The following ZFP69 variants were observed in gnomAD, a reference collection of about 807,000 sequenced individuals.
The protein encoded by ZFP69 is zinc finger protein 69 homolog.
A neutral mutation model predicts 48.9 loss-of-function variants in ZFP69; 35 were observed. The observed-to-expected ratio is 0.72, with a 90% CI of 0.55 to 0.95. The LOEUF is 0.95. Among genes scored for constraint, ZFP69 ranks in the 40% least tolerant of loss-of-function variants. The pLI, the probability that ZFP69 is intolerant of heterozygous loss-of-function variation, is 0.00. For synonymous variants in ZFP69, 193 were observed against 216.8 expected (o/e 0.89, Z 0.96); for missense variants, 557 against 638.4 (o/e 0.87, Z 1.37).
At chr1:40,492,750 T>G (rs1306551556) in intron 5 of ZFP69, among the ~76,000 whole-genome samples, 1 of 152,218 alleles carries the variant, frequency 6.6e-6, no homozygotes, top group Non-Finnish European at 1.5e-5. Context: ...GATATAGCAC[T>G]CCATTTATTG....
At chr1:40,486,888 T>C (rs191862789) in intron 3 of ZFP69, among the ~76,000 whole-genome samples, 77 of 152,170 alleles carry the variant, frequency 5.1e-4, no homozygotes, top group Non-Finnish European at 1.8e-4. Flanking sequence ...TTTTTAGATA[T>C]TGTCTTTTTC....
chr1:40,491,761 G>GTATA (rs10630764), intron 5 of ZFP69, among the ~76,000 whole-genome samples: 1 of 146,046 alleles, frequency 6.8e-6, no homozygotes, highest in African/African-American at 2.6e-5. Flanking sequence ...ATGTGTGTGT[G>GTATA]TATGTGTGTG....
At position 40,494,255 on chromosome 1, in the gene ZFP69, AATTTTTTTTT is replaced by A. The variant is rs1312849312; in HGVS notation, c.443-665_443-656del. Among the ~76,000 whole-genome samples the A allele has an allele frequency of 9.5e-4, 118 of 123,874 alleles. 3 individuals are homozygous for A. Among genetic ancestry groups the A allele is most frequent in the Middle Eastern group, 9.3e-3 (2 of 216 alleles). The allele number at this position is 123,874 out of a possible 152,430, so 81.3% of individuals were successfully genotyped here. A position where few individuals can be genotyped will look rare whatever the true frequency, so the allele number is the denominator to read the frequency against. On this transcript the variant is annotated intron_variant, in intron 5 of 5. Coordinates refer to ENST00000372706, the MANE Select transcript of ZFP69 (RefSeq NM_001320179.2). ...ATTAGAGCAGGACTAAAAGATTCAA[AATTTTTTTTT>A]TTTTTTTTTTTTTTTTTTTTTGAGA...
At chr1:40,491,812 T>A (rs1024301108) in intron 5 of ZFP69, among the ~76,000 whole-genome samples, 2 of 151,690 alleles carry the variant, frequency 1.3e-5, no homozygotes, top group Admixed American at 6.6e-5. Context: ...CATTCTAGTA[T>A]AATTATACAT....
At position 40,480,267 on chromosome 1, in the gene ZFP69, A is replaced by AT. The variant is rs61577884; in HGVS notation, c.127+794dup. On this transcript the variant is annotated intron_variant, in intron 2 of 5. Transcript: ENST00000372706. ...GACGGAAAACTTTGTTCTGGTTGTG[A>AT]TTTTTTTTTTTTTTTGGTGATGGAG... Among the ~76,000 whole-genome samples, 563 of 142,640 alleles carry AT rather than the reference A, an allele frequency of 3.9e-3. 1 individual carries two copies. The highest frequency in any genetic ancestry group is 0.016 in the East Asian group (79 of 4,918). The allele number at this position is 142,640 out of a possible 152,430, so 93.6% of individuals were successfully genotyped here.
At chr1:40,494,891 G>GT in intron 5 of ZFP69, 30 bp from the exon 6 acceptor site, 1 of 1,580,858 alleles carries the variant, frequency 6.3e-7, no homozygotes, top group South Asian at 1.2e-5. Context: ...ACAGTAATTG[G>GT]TTTTTAAAGC....
chr1:40,494,611 ATATTT>A (rs1051594711), intron 5 of ZFP69, among the ~76,000 whole-genome samples: 1 of 139,932 alleles, frequency 7.1e-6, no homozygotes, highest in Non-Finnish European at 1.5e-5. Flanking sequence ...ATATTTATAA[ATATTT>A]TATATATAAA....
chr1:40,484,470 A>G (rs1276467370), intron 3 of ZFP69, among the ~76,000 whole-genome samples: 2 of 152,222 alleles, frequency 1.3e-5, no homozygotes, highest in East Asian at 3.9e-4. Flanking sequence ...AAGTGCTGGG[A>G]TTACAGGTGT....
In ZFP69 at chr1:40,495,894, T is replaced by C. The variant is rs1489181008; in HGVS notation, c.1416T>C (p.Cys472=). ...TGVKAYECNR[C]GKAYRHDSSF... ...TGAAAGCATATGAATGCAACCGCTG[T>C]GGAAAAGCCTATAGGCATGATTCAT... Residue 472 remains cysteine (C), a synonymous_variant, in exon 6 of 6, where the codon TGT becomes TGC. Transcript: ENST00000372706. The C allele has an allele frequency of 6.2e-7, 1 of 1,614,188 alleles. No individual in the cohort carries two copies. Among genetic ancestry groups the C allele is most frequent in the Admixed American group, 1.7e-5 (1 of 60,032 alleles).
rs1447372026 is a variant in ZFP69 at position 40,489,574 on chromosome 1, G to A, written c.392G>A (p.Gly131Glu). 7 of 1,613,656 alleles carry A rather than the reference G, an allele frequency of 4.3e-6. No individual in the cohort carries two copies. The highest frequency in any genetic ancestry group is 2.7e-5 in the African/African-American group (2 of 74,862). ...AGTGTGATATCCCAGTTAGAGAAAGGAGAAGAGCCATGGATGGCAGAGAAA... is the reference window on the plus strand; with the variant it reads ...AGTGTGATATCCCAGTTAGAGAAAGAAGAAGAGCCATGGATGGCAGAGAAA... The part of the protein sequence containing the change: ...KPSVISQLEK[G>E]EEPWMAEKEG... The change falls in exon 5 of 6, where the codon GGA (glycine) becomes GAA (glutamate). Residue 131 changes from glycine (G) to glutamate (E), a missense_variant. Physicochemically the swap from Gly to Glu is moderately conservative, Grantham distance 98. Transcript: ENST00000372706.
At chr1:40,494,825 T>A in intron 5 of ZFP69, 96 bp from the exon 6 acceptor site, 2 of 1,092,338 alleles carry the variant, frequency 1.8e-6, no homozygotes, top group Non-Finnish European at 2.6e-6. Context: ...TTAAATATAG[T>A]CAAAATCTCA....
intron 3 of ZFP69, among the ~76,000 whole-genome samples, chr1:40,488,732 A>G (rs1003361044): frequency 1.3e-5 from 2 of 152,164 alleles, no homozygotes; most frequent in African/African-American, 4.8e-5. Flanking sequence ...CCGGTCAAAC[A>G]TCACCCTTTT....
At chr1:40,491,483 G>C (rs1014270274) in intron 5 of ZFP69, among the ~76,000 whole-genome samples, 3 of 152,108 alleles carry the variant, frequency 2.0e-5, no homozygotes, top group African/African-American at 4.8e-5. Context: ...CCATTAACAG[G>C]GTTTGAGAGT....
chr1:40,489,544 A>T lies in ZFP69; in HGVS notation c.362A>T (p.Lys121Ile), dbSNP rs1645541569. The T allele has an allele frequency of 6.2e-7, 1 of 1,612,472 alleles. No homozygotes were observed. The highest frequency in any genetic ancestry group is 1.7e-5 in the Admixed American group (1 of 59,322). ...ACATAAGCAGGATATCAACTTTCCA[A>T]ACCTAGTGTGATATCCCAGTTAGAG... ...NLVSVGYQLSKPSVISQLEKG... is the reference protein window; with the variant it reads ...NLVSVGYQLSIPSVISQLEKG... Residue 121 changes from lysine (K) to isoleucine (I), a missense_variant, in exon 5 of 6, where the codon AAA (lysine) becomes ATA (isoleucine). By Grantham distance (102) the Lys-to-Ile change is moderately radical. Transcript: ENST00000372706.
intron 5 of ZFP69, chr1:40,491,215 C>A (rs1645564641): frequency 6.6e-6 from 1 of 152,268 alleles, no homozygotes; most frequent in East Asian, 1.9e-4. Context: ...TATTCTAGTT[C>A]ATTCAATCCA....
At chr1:40,490,701 A>C (rs2124457050) in intron 5 of ZFP69, 1 of 152,224 alleles carries the variant, frequency 6.6e-6, no homozygotes, top group South Asian at 2.1e-4. Context: ...CTCCATTTTT[A>C]CTTCTTGCCA....
chr1:40,491,191 A>G (rs190324463), intron 5 of ZFP69: 1 of 152,352 alleles, frequency 6.6e-6, no homozygotes, highest in East Asian at 1.9e-4. Context: ...CACTGGTGAT[A>G]TTCCTCAGTA....
rs1414889465 is a variant in ZFP69, at chr1:40,495,719, C to T, written c.1241C>T (p.Thr414Ile). ...IHTGEKPYACTACCKTFSHRA... is the reference protein window; with the variant it reads ...IHTGEKPYACIACCKTFSHRA... ...ACCGGGGAGAAGCCCTATGCATGCA[C>T]TGCATGTTGTAAAACCTTTAGTCAT... Residue 414 changes from threonine (T) to isoleucine (I), a missense_variant, in exon 6 of 6, where the codon ACT becomes ATT. Thr to Ile is a moderately conservative substitution (Grantham distance 89, BLOSUM62 -1). Transcript: ENST00000372706. 2 of 1,614,150 alleles carry T rather than the reference C, an allele frequency of 1.2e-6. No individual in the cohort carries two copies. The highest frequency in any genetic ancestry group is 1.7e-6 in the Non-Finnish European group (2 of 1,180,018).
chr1:40,478,116 A>G lies in ZFP69; in HGVS notation c.-327+222A>G, dbSNP rs188767547. ...GAACACACGCAGCTCCTGTCTCTGC[A>G]TATAGTCACACACACACACACACAC... On this transcript the variant is annotated intron_variant, in intron 1 of 5. Coordinates refer to ENST00000372706, the MANE Select transcript of ZFP69 (RefSeq NM_001320179.2). Among the ~76,000 whole-genome samples, 377 of 141,156 alleles carry G rather than the reference A, an allele frequency of 2.7e-3. 3 individuals carry two copies. The highest frequency in any genetic ancestry group is 0.01 in the African/African-American group (368 of 36,540). The allele number at this position is 141,156 out of a possible 152,430, so 92.6% of individuals were successfully genotyped here.
Sources: gnomAD v4.1 joint callset for allele counts (sites outside exome capture counted in the v4.1 genomes callset) on GRCh38, gnomAD v4.1.1 for gene constraint, MANE v1.5 for transcripts, NCBI Gene and HGNC (gene_info 2026-07-23, HGNC 2026-07-21) for gene names.